The following SLCO3A1 variants were observed in gnomAD, a reference collection of about 807,000 sequenced individuals.
SLCO3A1 encodes solute carrier organic anion transporter family member 3A1.
In SLCO3A1, 27 loss-of-function variants were observed where a neutral mutation model predicts 63.1. The ratio of observed to expected loss-of-function variants is 0.43; its 90% CI spans 0.32 to 0.59. The LOEUF (loss-of-function observed/expected upper bound fraction) is 0.59, where lower values mean the gene tolerates loss of function less well. Ranked by LOEUF, SLCO3A1 falls within the 20% of genes least tolerant of loss-of-function variation. The pLI is 0.09. For synonymous variants in SLCO3A1, 473 were observed against 409.9 expected, an observed-to-expected ratio of 1.15 and a Z score of -1.86; for missense variants, 773 against 945.8, an observed-to-expected ratio of 0.82 and a Z score of 2.40.
At chr15:91,981,874 G>A (rs2045991992) in intron 2 of SLCO3A1, among the ~76,000 whole-genome samples, 1 of 152,242 alleles carries the variant, frequency 6.6e-6, no homozygotes, top group Admixed American at 6.5e-5. Flanking sequence ...CCAGTGGCAT[G>A]TACAACCCGT....
At position 91,924,823 on chromosome 15, in the gene SLCO3A1, C is replaced by T. The variant is rs1203360707; in HGVS notation, c.646+8365C>T. Among the ~76,000 whole-genome samples the T allele has an allele frequency of 2.6e-5, 4 of 152,160 alleles. No individual in the cohort carries two copies. In the East Asian group the frequency reaches 7.7e-4, roughly 29 times the overall value. ...GGAAGAAAAGCACGGTTCAAGGTTC[C>T]CCGAAGAGAGTATTGGGATGCAGAA... is the stretch of plus-strand genomic sequence containing the variant. On this transcript the variant is annotated intron_variant, in intron 2 of 9. Transcript: ENST00000318445.
At chr15:92,169,419 G>C (rs1313981314), downstream of SLCO3A1, among the ~76,000 whole-genome samples, 1 of 152,212 alleles carries the variant, frequency 6.6e-6, no homozygotes, top group African/African-American at 2.4e-5. Flanking sequence ...GGCCCGAGTG[G>C]ACTGTGGGGC....
intron 2 of SLCO3A1, among the ~76,000 whole-genome samples, chr15:92,075,770 C>A (rs747774111): frequency 6.6e-6 from 1 of 152,222 alleles, no homozygotes; most frequent in Non-Finnish European, 1.5e-5. Flanking sequence ...CTCCATCCTG[C>A]TCCACAGGAC....
chr15:91,953,237 G>A (rs569835436), intron 2 of SLCO3A1, among the ~76,000 whole-genome samples: 1 of 152,134 alleles, frequency 6.6e-6, no homozygotes, highest in Non-Finnish European at 1.5e-5. Context: ...TCGCTCATTC[G>A]CTCACTCGTT....
chr15:91,880,403 C>CTGTGTGTGTGTGTGTGTG lies in SLCO3A1; in HGVS notation c.180+26316_180+26317insGTGTGTGTGTGTGTGTGT, dbSNP rs1324272484. Among the ~76,000 whole-genome samples, 292 of 140,636 alleles carry CTGTGTGTGTGTGTGTGTG rather than the reference C, an allele frequency of 2.1e-3. 1 individual carries two copies. Among genetic ancestry groups the CTGTGTGTGTGTGTGTGTG allele is most frequent in the Middle Eastern group, 0.011 (3 of 276 alleles). 92.3% of individuals were successfully genotyped at this position (140,636 alleles called of 152,430 possible). A position where few individuals can be genotyped will look rare whatever the true frequency, so the allele number is the denominator to read the frequency against. ...TGCTTCTCTCTCTCTCTCTCTCTCT[C>CTGTGTGTGTGTGTGTGTG]TCTCTCTGTGTGTGTGTGTGTGTAG... is the stretch of plus-strand genomic sequence containing the variant. On this transcript the variant is annotated intron_variant, in intron 1 of 9. Transcript: ENST00000318445.
At chr15:91,951,340 TCTTTCA>T (rs2151411417) in intron 2 of SLCO3A1, among the ~76,000 whole-genome samples, 1 of 152,338 alleles carries the variant, frequency 6.6e-6, no homozygotes, top group Admixed American at 6.5e-5. Flanking sequence ...TGTGTCCAAT[TCTTTCA>T]CTTAGCATAA....
intron 2 of SLCO3A1, among the ~76,000 whole-genome samples, chr15:92,089,381 C>G (rs1403093211): frequency 1.3e-5 from 2 of 152,262 alleles, no homozygotes; most frequent in East Asian, 1.9e-4. Flanking sequence ...GTGGAGGACT[C>G]GGTGCAGGGT....
rs1248948534 is a variant in SLCO3A1 at position 91,860,272 on chromosome 15, T to A, written c.180+6184T>A. Among the ~76,000 whole-genome samples, 1 of 152,204 alleles carries A rather than the reference T, an allele frequency of 6.6e-6. No homozygotes were observed. The highest frequency in any genetic ancestry group is 2.4e-5 in the African/African-American group (1 of 41,438). On this transcript the variant is annotated intron_variant, in intron 1 of 9. Coordinates refer to ENST00000318445, the MANE Select transcript of SLCO3A1 (RefSeq NM_013272.4). The surrounding 1 kb of genome is among the most constrained non-coding windows in gnomAD (Gnocchi z 5.5). Reference sequence around the variant, plus strand: ...AGGGTAGGTGGAAAGAATGTTGGACTTGGAGTTGGAAGACCTGGATTTGAA... The same window carrying A: ...AGGGTAGGTGGAAAGAATGTTGGACATGGAGTTGGAAGACCTGGATTTGAA...
At chr15:91,971,804 G>GCAGCAGTGGCTCCGTATT (rs72127195) in intron 2 of SLCO3A1, among the ~76,000 whole-genome samples, 2 of 97,896 alleles carry the variant, frequency 2.0e-5, no homozygotes, top group East Asian at 8.9e-4. Flanking sequence ...ATTTCCCCTA[G>GCAGCAGTGGCTCCGTATT]CAGCAGTGGC....
chr15:92,094,739 G>A, intron 2 of SLCO3A1, 142 bp from the exon 3 acceptor site: 1 of 590,914 alleles, frequency 1.7e-6, no homozygotes, highest in East Asian at 2.8e-5. Flanking sequence ...TAGAAATTCA[G>A]CCTTTCCCCT....
At chr15:92,145,367 C>T (rs990654921) in intron 7 of SLCO3A1, among the ~76,000 whole-genome samples, 1 of 152,160 alleles carries the variant, frequency 6.6e-6, no homozygotes, top group Non-Finnish European at 1.5e-5. Context: ...GTCTTGCTTC[C>T]TAATAAAAGT....
Position 92,171,618 on chromosome 15 carries a change from G to T in SLCO3A1, c.1997-162G>T, listed in dbSNP as rs1596165825. 9.9e-6 allele frequency: 6 copies of T among 603,344 alleles called. No individual in the cohort carries two copies. In the East Asian group the frequency reaches 1.7e-4, roughly 17 times the overall value. 37.4% of individuals were successfully genotyped at this position (603,344 alleles called of 1,614,324 possible). On this transcript the variant is annotated intron_variant, in intron 10 of 10. Transcript: ENST00000424469. Reference sequence around the variant, plus strand: ...TGGGCTCAGAGTCTGGTCCCTTGGGGTTACATGGAATGAAACCCAGCACTT... The same window carrying T: ...TGGGCTCAGAGTCTGGTCCCTTGGGTTTACATGGAATGAAACCCAGCACTT...
chr15:91,862,551 T>C lies in SLCO3A1; in HGVS notation c.180+8463T>C, dbSNP rs1280169952. On this transcript the variant is annotated intron_variant, in intron 1 of 9. Coordinates refer to ENST00000318445, the MANE Select transcript of SLCO3A1 (RefSeq NM_013272.4). This position sits in a 1 kb window ranked among gnomAD's most constrained non-coding sequence, Gnocchi z 4.0. Reference sequence around the variant, plus strand: ...TCCTTTGGGACAACTTTTGGGTGTCTGGATAATGAACCTGTTCAGATAGGC... The same window carrying C: ...TCCTTTGGGACAACTTTTGGGTGTCCGGATAATGAACCTGTTCAGATAGGC... 3.3e-5 allele frequency among the ~76,000 whole-genome samples: 5 copies of C among 152,220 alleles called. 1 individual carries two copies. The South Asian group carries it at 8.3e-4, about 25-fold the overall frequency.
In SLCO3A1 at chr15:92,147,102, G is replaced by A. The variant is rs1299788010; in HGVS notation, c.1631G>A (p.Cys544Tyr). The A allele has an allele frequency of 6.2e-7, 1 of 1,612,288 alleles. No homozygotes were observed. Among genetic ancestry groups the A allele is most frequent in the Non-Finnish European group, 8.5e-7 (1 of 1,179,950 alleles). Reference sequence around the variant, plus strand: ...TTCCTCACTTTCCTCTGTGTGATGTGTATCTGCAGCCTGATCGGTGCCATG... The same window carrying A: ...TTCCTCACTTTCCTCTGTGTGATGTATATCTGCAGCCTGATCGGTGCCATG... Reference protein sequence around the residue: ...EAFLTFLCVMCICSLIGAMAQ... With the variant: ...EAFLTFLCVMYICSLIGAMAQ... The change falls in exon 8 of 10, where the codon TGT (cysteine) becomes TAT (tyrosine). Residue 544 changes from cysteine to tyrosine, a missense_variant. Around this residue, in one of 3 missense-constraint regions of SLCO3A1, gnomAD observed 565 missense variants for 749.8 expected, o/e 0.75. Transcript: ENST00000318445.
intron 6 of SLCO3A1, among the ~76,000 whole-genome samples, chr15:92,126,966 G>C (rs1353159084): frequency 6.6e-6 from 1 of 152,214 alleles, no homozygotes; most frequent in Non-Finnish European, 1.5e-5. Flanking sequence ...TCTCTCTCTA[G>C]AGCCAGACTC....
At chr15:92,058,491 C>T (rs992489556) in intron 2 of SLCO3A1, among the ~76,000 whole-genome samples, 15 of 151,990 alleles carry the variant, frequency 9.9e-5, no homozygotes, top group Middle Eastern at 3.2e-3. Flanking sequence ...TTGGGTGTCC[C>T]GCAGGGTATG....
At chr15:92,046,974 A>G (rs1341381872) in intron 2 of SLCO3A1, among the ~76,000 whole-genome samples, 1 of 112,484 alleles carries the variant, frequency 8.9e-6, no homozygotes, top group Non-Finnish European at 1.7e-5. Flanking sequence ...GCCTTTGGCC[A>G]TTAAATATAT....
At chr15:92,151,253 A>C in intron 9 of SLCO3A1, 1 of 423,878 alleles carries the variant, frequency 2.4e-6, no homozygotes, top group Non-Finnish European at 4.2e-6. Context: ...GTGAATTCTC[A>C]TCGGCATAAG....
chr15:91,975,496 C>T (rs1368897892), intron 2 of SLCO3A1, among the ~76,000 whole-genome samples: 1 of 152,232 alleles, frequency 6.6e-6, no homozygotes, highest in Non-Finnish European at 1.5e-5. Flanking sequence ...TGTCATGCCA[C>T]ACACTTGGTG....
Sources: gnomAD v4.1 joint callset for allele counts (sites outside exome capture counted in the v4.1 genomes callset) on GRCh38, gnomAD v4.1.1 for gene constraint, gnomAD v4.1.1 regional missense constraint, Gnocchi (gnomAD v3.1) non-coding constraint, MANE v1.5 for transcripts, NCBI Gene and HGNC (gene_info 2026-07-23, HGNC 2026-07-21) for gene names.